FAM83A: variants seen among roughly 807,000 people sequenced by gnomAD.
FAM83A encodes the protein scaffolding CK1 anchoring protein A.
In FAM83A, 21 loss-of-function variants were observed where a neutral mutation model predicts 24.4. That is an observed-to-expected ratio of 0.86 (90% CI 0.61 to 1.24). FAM83A has a LOEUF of 1.24. FAM83A is among the 50% of genes most tolerant of loss of function. FAM83A has a pLI of 0.00. For missense variants in FAM83A, 617 were observed against 579.8 expected (o/e 1.06, Z -0.66); for synonymous variants, 270 against 252.4 (o/e 1.07, Z -0.66).
At chr8:123,197,687 T>A (rs1563786150) in intron 3 of FAM83A, among the ~76,000 whole-genome samples, 1 of 152,214 alleles carries the variant, frequency 6.6e-6, no homozygotes, top group Non-Finnish European at 1.5e-5. Context: ...AACTCAGGTT[T>A]TGCATCACTA....
intron 1 of FAM83A, among the ~76,000 whole-genome samples, chr8:123,188,310 G>T (rs1361027254): frequency 6.6e-6 from 1 of 151,894 alleles, no homozygotes; most frequent in Non-Finnish European, 1.5e-5. Context: ...CGGATTTAGA[G>T]CCCACCAGAT....
chr8:123,186,936 C>T (rs1267748343), intron 1 of FAM83A, among the ~76,000 whole-genome samples: 5 of 152,190 alleles, frequency 3.3e-5, no homozygotes, highest in Admixed American at 3.3e-4. Flanking sequence ...CCCTGCCAAC[C>T]ACCTGCTCCT....
chr8:123,207,318 C>T, exon 4 of FAM83A: 1 of 1,611,338 alleles, frequency 6.2e-7, no homozygotes, highest in Non-Finnish European at 8.5e-7. Flanking sequence ...CCGCCCGGAG[C>T]AGCCCCGGCC....
intron 3 of FAM83A, among the ~76,000 whole-genome samples, chr8:123,203,270 T>G (rs1824421346): frequency 6.6e-6 from 1 of 151,572 alleles, no homozygotes; most frequent in African/African-American, 2.4e-5. Context: ...CTGACTATAT[T>G]ACAATTAAGA....
intron 3 of FAM83A, among the ~76,000 whole-genome samples, chr8:123,194,486 C>CTTT (rs71573674): frequency 8.0e-4 from 113 of 140,452 alleles, no homozygotes; most frequent in South Asian, 1.6e-3. Context: ...CATCCCATTG[C>CTTT]TTTTTTTTTT....
At chr8:123,195,750 T>TA (rs374859189) in intron 3 of FAM83A, among the ~76,000 whole-genome samples, 355 of 147,406 alleles carry the variant, frequency 2.4e-3, no homozygotes, top group East Asian at 4.0e-3. Flanking sequence ...CCCTTCATGG[T>TA]AAAAAAAAAA....
exon 1 of FAM83A, chr8:123,182,848 A>G: frequency 6.6e-7 from 1 of 1,519,458 alleles, no homozygotes; most frequent in Non-Finnish European, 8.8e-7. Context: ...CCACCCAGGG[A>G]CGGGAGGCAT....
chr8:123,191,045 T>C (rs1371750607), intron 1 of FAM83A, among the ~76,000 whole-genome samples: 1 of 152,184 alleles, frequency 6.6e-6, no homozygotes, highest in Non-Finnish European at 1.5e-5. Context: ...CTAGCCTTGG[T>C]CATGTGGTCT....
At chr8:123,204,709 C>G (rs557724043) in intron 3 of FAM83A, among the ~76,000 whole-genome samples, 132 of 151,902 alleles carry the variant, frequency 8.7e-4, no homozygotes, top group African/African-American at 3.1e-3. Context: ...TGCAGTGAGC[C>G]GAGATCGCGC....
At chr8:123,197,062 G>A (rs1160412474) in intron 3 of FAM83A, among the ~76,000 whole-genome samples, 1 of 152,090 alleles carries the variant, frequency 6.6e-6, no homozygotes, top group Non-Finnish European at 1.5e-5. Flanking sequence ...CAGTGGATGA[G>A]CTGTCTCTGA....
At position 123,208,273 on chromosome 8, in the gene FAM83A, C is replaced by T. The variant is rs188011026; in HGVS notation, c.*585C>T. 1,350 of 985,476 alleles carry T rather than the reference C, an allele frequency of 1.4e-3. 17 individuals are homozygous for T. The African/African-American group carries it at 0.02, about 14-fold the overall frequency. 61.0% of individuals were successfully genotyped at this position (985,476 alleles called of 1,614,324 possible). A position where few individuals can be genotyped will look rare whatever the true frequency, so the allele number is the denominator to read the frequency against. ...GAATTAGGGGTGAGGCCCCAGAACC[C>T]GTTATCTATGAGTTGTATGGGGGAG... is the stretch of plus-strand genomic sequence containing the variant. On this transcript the variant is annotated 3_prime_UTR_variant, in exon 4 of 4. Coordinates refer to ENST00000690554, the Ensembl canonical transcript of FAM83A.
At chr8:123,199,665 C>G (rs1824281485) in intron 3 of FAM83A, among the ~76,000 whole-genome samples, 1 of 151,850 alleles carries the variant, frequency 6.6e-6, no homozygotes, top group African/African-American at 2.4e-5. Flanking sequence ...ACCCAGGAGG[C>G]AGAGGTTGCG....
chr8:123,179,744 T>C (rs1823551371), upstream of FAM83A: 1 of 152,162 alleles, frequency 6.6e-6, no homozygotes, highest in East Asian at 1.9e-4. Context: ...CGGATTCCTT[T>C]TTTTTGTTTT....
chr8:123,181,368 A>T (rs1422718269), upstream of FAM83A, among the ~76,000 whole-genome samples: 2 of 152,272 alleles, frequency 1.3e-5, no homozygotes, highest in South Asian at 2.1e-4. Context: ...ACTGACAGAC[A>T]TCAGGTTCTT....
At chr8:123,182,683 T>C in exon 1 of FAM83A, 1 of 958,126 alleles carries the variant, frequency 1.0e-6, no homozygotes, top group Non-Finnish European at 1.6e-6. Flanking sequence ...TGAGAAGCAT[T>C]GCTCAGGACA....
chr8:123,208,102 C>T (rs1824626313), exon 4 of FAM83A: 3 of 1,008,792 alleles, frequency 3.0e-6, no homozygotes, highest in Admixed American at 1.2e-4. Flanking sequence ...ACTTCTGGTT[C>T]CCAGTGCCCA....
chr8:123,181,147 A>G (rs1453573342), upstream of FAM83A, among the ~76,000 whole-genome samples: 1 of 152,012 alleles, frequency 6.6e-6, no homozygotes, highest in Non-Finnish European at 1.5e-5. Flanking sequence ...GTGTTTCATC[A>G]TGTTGGCCAG....
intron 3 of FAM83A, among the ~76,000 whole-genome samples, chr8:123,204,803 T>C (rs1368673373): frequency 1.3e-5 from 2 of 148,352 alleles, no homozygotes; most frequent in Admixed American, 6.8e-5. Context: ...GCTCATGGGC[T>C]GTGATCAAAA....
chr8:123,193,864 C>G (rs1444540084), intron 2 of FAM83A, among the ~76,000 whole-genome samples, 160 bp from the exon 3 acceptor site: 2 of 152,212 alleles, frequency 1.3e-5, no homozygotes, highest in African/African-American at 2.4e-5. Context: ...TCTTCATGAC[C>G]TAATCTCCTC....
Sources: gnomAD v4.1 joint callset for allele counts (sites outside exome capture counted in the v4.1 genomes callset) on GRCh38, gnomAD v4.1.1 for gene constraint, MANE v1.5 for transcripts, NCBI Gene and HGNC (gene_info 2026-07-23, HGNC 2026-07-21) for gene names.